The following NDUFB10 variants were observed in gnomAD, a reference collection of about 807,000 sequenced individuals.
The protein encoded by NDUFB10 is NADH:ubiquinone oxidoreductase subunit B10, also known as NADH dehydrogenase [ubiquinone] 1 beta subcomplex subunit 10.
In NDUFB10, 23 loss-of-function variants were observed where a neutral mutation model predicts 19.0. The ratio of observed to expected loss-of-function variants is 1.21; its 90% CI spans 0.87 to 1.71. NDUFB10 has a LOEUF of 1.71. Ranked by LOEUF, NDUFB10 falls within the 40% of genes most tolerant of loss-of-function variation. NDUFB10 has a pLI of 0.00. For missense variants in NDUFB10, 312 were observed against 230.6 expected (o/e 1.35, Z -2.29); for synonymous variants, 104 against 81.8 (o/e 1.27, Z -1.46).
At position 1,961,643 on chromosome 16, in the gene NDUFB10, G is replaced by GGGGC; in HGVS notation, c.409+7_409+8insGGGC. ...AAGGCCTACCAGGACCGCTGTGCGT[G>GGGGC]CCCCACCCACCCCCAACCCCCCACC... On this transcript the variant is annotated splice_region_variant and intron_variant, in intron 3 of 3. Transcript: ENST00000268668. 4 of 1,546,966 alleles carry GGGGC rather than the reference G, an allele frequency of 2.6e-6. No homozygotes were observed. Among genetic ancestry groups the GGGGC allele is most frequent in the Non-Finnish European group, 3.5e-6 (4 of 1,140,830 alleles).
chr16:1,959,819 C>T, intron 1 of NDUFB10, 65 bp downstream of exon 1: 1 of 1,593,056 alleles, frequency 6.3e-7, no homozygotes, highest in Non-Finnish European at 8.6e-7. Context: ...CACACCCTGC[C>T]TGGATCCTCC....
At chr16:1,960,488 T>C (rs1244881536) in intron 1 of NDUFB10, among the ~76,000 whole-genome samples, 1 of 152,214 alleles carries the variant, frequency 6.6e-6, no homozygotes, top group Non-Finnish European at 1.5e-5. Flanking sequence ...CCCCAGGTGC[T>C]GGGATTACAG....
chr16:1,961,643 G>GCCCCACCCCCCCCCAAAC lies in NDUFB10; in HGVS notation c.409+15_409+16insCCCCCCAAACCCCCACCC. ...AAGGCCTACCAGGACCGCTGTGCGT[G>GCCCCACCCCCCCCCAAAC]CCCCACCCACCCCCAACCCCCCACC... On this transcript the variant is annotated splice_region_variant and intron_variant, in intron 3 of 3. Coordinates refer to ENST00000268668, the MANE Select transcript of NDUFB10 (RefSeq NM_004548.3). The GCCCCACCCCCCCCCAAAC allele has an allele frequency of 6.5e-7, 1 of 1,547,246 alleles. No individual in the cohort carries two copies. The highest frequency in any genetic ancestry group is 1.8e-5 in the Admixed American group (1 of 54,356).
Position 1,961,306 on chromosome 16 carries a change from CTGGGAGTGTGGAGA to C in NDUFB10, c.269+17_269+30del. 6.2e-7 allele frequency: 1 copy of C among 1,613,784 alleles called. No homozygotes were observed. Among genetic ancestry groups the C allele is most frequent in the African/African-American group, 1.3e-5 (1 of 75,040 alleles). On this transcript the variant is annotated intron_variant, in intron 2 of 3. Transcript: ENST00000268668. ...AAGAGGGACTAGTACGTGAGCCATG[CTGGGAGTGTGGAGA>C]TCTGCACCGTGTGCTGCTGGGACAC...
rs775539588 is a variant in NDUFB10 at position 1,959,593 on chromosome 16, G to T, written c.-32G>T. 6.3e-7 allele frequency: 1 copy of T among 1,591,408 alleles called. No individual in the cohort carries two copies. Among genetic ancestry groups the T allele is most frequent in the East Asian group, 2.3e-5 (1 of 43,778 alleles). ...ACGGAGGTAGAGGCCAGGGCAGCGCGTCCGGGAGCGGAGTCCGCGCCCGCC... is the reference window on the plus strand; with the variant it reads ...ACGGAGGTAGAGGCCAGGGCAGCGCTTCCGGGAGCGGAGTCCGCGCCCGCC... On this transcript the variant is annotated 5_prime_UTR_variant, in exon 1 of 4. Transcript: ENST00000268668.
rs755247936 is a variant in NDUFB10, at chr16:1,961,173, G to A, written c.151G>A (p.Ala51Thr). The A allele has an allele frequency of 6.8e-6, 11 of 1,613,900 alleles. No homozygotes were observed. The highest frequency in any genetic ancestry group is 4.5e-5 in the East Asian group (2 of 44,894). Reference protein sequence around the residue: ...LVREFIERQHAKNRYYYYHRQ... With the variant: ...LVREFIERQHTKNRYYYYHRQ... ...TGCAGAATTTATAGAGCGGCAGCAC[G>A]CAAAGAACAGGTATTACTACTACCA... is the stretch of plus-strand genomic sequence containing the variant. The change falls in exon 2 of 4, where the codon GCA becomes ACA. Residue 51 changes from alanine to threonine, a missense_variant. Transcript: ENST00000268668.
chr16:1,959,715 T>C lies in NDUFB10; in HGVS notation c.91T>C (p.Phe31Leu), dbSNP rs202058422. Residue 31 changes from phenylalanine (F) to leucine (L), a missense_variant, in exon 1 of 4, where the codon TTC (phenylalanine) becomes CTC (leucine). Physicochemically the swap from Phe to Leu is conservative, Grantham distance 22. Coordinates refer to ENST00000268668, the MANE Select transcript of NDUFB10 (RefSeq NM_004548.3). ...PNPIVYMMKA[F>L]DLIVDRPVTL... is the part of the protein sequence containing the mutation. ...TCCCATCGTCTACATGATGAAAGCG[T>C]TCGACCTCATCGTGGACCGACCCGT... is the stretch of plus-strand genomic sequence containing the variant. The C allele has an allele frequency of 4.3e-6, 7 of 1,613,100 alleles. No individual in the cohort carries two copies. The highest frequency in any genetic ancestry group is 2.7e-5 in the African/African-American group (2 of 74,814).
In NDUFB10 at chr16:1,959,750, G is replaced by T. The variant is rs976296121; in HGVS notation, c.126G>T (p.Val42=). ...DLIVDRPVTL[V]REFIERQHAK... ...TCGTGGACCGACCCGTGACCCTCGT[G>T]AGAGGTACGAAGCCCCAGCCCGGGG... The change falls in exon 1 of 4, where the codon GTG becomes GTT. Residue 42 remains valine, a synonymous_variant. Transcript: ENST00000268668. 7 of 1,612,984 alleles carry T rather than the reference G, an allele frequency of 4.3e-6. No homozygotes were observed. The highest frequency in any genetic ancestry group is 5.9e-6 in the Non-Finnish European group (7 of 1,179,658).
rs1383984175 is a variant in NDUFB10 at position 1,960,057 on chromosome 16, ACTGCTCT to A, written c.130+305_130+311del. ...AGCGCCCACTGCCCCAGGACCCCGC[ACTGCTCT>A]CCGCCCCCCGCCGCCCCGGGCACCC... On this transcript the variant is annotated intron_variant, in intron 1 of 3. Transcript: ENST00000268668. 5.4e-5 allele frequency among the ~76,000 whole-genome samples: 8 copies of A among 147,472 alleles called. No individual in the cohort carries two copies. The South Asian group carries it at 1.5e-3, about 28-fold the overall frequency.
At position 1,961,925 on chromosome 16, in the gene NDUFB10, T is replaced by C. The variant is rs1597036231; in HGVS notation, c.*19T>C. 6.5e-7 allele frequency: 1 copy of C among 1,545,816 alleles called. No homozygotes were observed. Among genetic ancestry groups the C allele is most frequent in the Non-Finnish European group, 8.8e-7 (1 of 1,140,730 alleles). ...CTCCTGAGGCAGCTGTGGGTGCCCC[T>C]GCTGTGTGGCTCTGTATGACTGTTG... On this transcript the variant is annotated 3_prime_UTR_variant, in exon 4 of 4. Transcript: ENST00000268668.
At chr16:1,959,859 C>A in intron 1 of NDUFB10, 105 bp downstream of exon 1, 3 of 1,469,962 alleles carry the variant, frequency 2.0e-6, no homozygotes, top group South Asian at 2.5e-5. Context: ...CTGCCTGAGA[C>A]CGCCCCCCGC....
At position 1,961,253 on chromosome 16, in the gene NDUFB10, G is replaced by A; in HGVS notation, c.231G>A (p.Met77Ile). Residue 77 changes from methionine (M) to isoleucine (I), a missense_variant, in exon 2 of 4, where the codon ATG (methionine) becomes ATA (isoleucine). Physicochemically the swap from Met to Ile is conservative, Grantham distance 10. Coordinates refer to ENST00000268668, the MANE Select transcript of NDUFB10 (RefSeq NM_004548.3). The part of the protein sequence containing the change: ...DITECKEEDI[M>I]CMYEAEMQWK... ...CTGAGTGCAAGGAGGAGGACATCATGTGCATGTATGAAGCCGAAATGCAGT... is the reference window on the plus strand; with the variant it reads ...CTGAGTGCAAGGAGGAGGACATCATATGCATGTATGAAGCCGAAATGCAGT... 3 of 1,614,040 alleles carry A rather than the reference G, an allele frequency of 1.9e-6. No individual in the cohort carries two copies. The highest frequency in any genetic ancestry group is 2.5e-6 in the Non-Finnish European group (3 of 1,180,034).
rs552140294 is a variant in NDUFB10, at chr16:1,961,377, C to T, written c.269+86C>T. On this transcript the variant is annotated intron_variant, in intron 2 of 3. Transcript: ENST00000268668. ...CTGGGATGCCACAGGGTGGCATGCC[C>T]AGATTTTAGGGGTGACATGGGAGGA... 74 of 1,597,366 alleles carry T rather than the reference C, an allele frequency of 4.6e-5. No individual in the cohort carries two copies. In the South Asian group the frequency reaches 6.6e-4, roughly 14 times the overall value.
chr16:1,960,094 A>G (rs892495537), intron 1 of NDUFB10, among the ~76,000 whole-genome samples: 10 of 151,110 alleles, frequency 6.6e-5, no homozygotes, highest in African/African-American at 2.4e-4. Flanking sequence ...GCACCCCTCC[A>G]CTGCACCGCT....
At chr16:1,960,754 A>G (rs1478711341) in intron 1 of NDUFB10, among the ~76,000 whole-genome samples, 1 of 152,166 alleles carries the variant, frequency 6.6e-6, no homozygotes, top group African/African-American at 2.4e-5. Flanking sequence ...GTAAGGTGGT[A>G]AGTTCTGCTT....
Position 1,961,606 on chromosome 16 carries a change from A to C in NDUFB10, c.379A>C (p.Thr127Pro). 2 of 1,613,788 alleles carry C rather than the reference A, an allele frequency of 1.2e-6. No individual in the cohort carries two copies. The highest frequency in any genetic ancestry group is 1.7e-6 in the Non-Finnish European group (2 of 1,179,984). ...CTGTATCAAGGAAGTGGAGCAGTTC[A>C]CCCAGGTGGCCAAGGCCTACCAGGA... ...QNCIKEVEQF[T>P]QVAKAYQDRY... is the part of the protein sequence containing the mutation. The change falls in exon 3 of 4, where the codon ACC (threonine) becomes CCC (proline). Residue 127 changes from threonine (T) to proline (P), a missense_variant. Physicochemically the swap from Thr to Pro is conservative, Grantham distance 38. Coordinates refer to ENST00000268668, the MANE Select transcript of NDUFB10 (RefSeq NM_004548.3).
chr16:1,960,266 C>G (rs984591254), intron 1 of NDUFB10, among the ~76,000 whole-genome samples: 1 of 151,566 alleles, frequency 6.6e-6, no homozygotes, highest in East Asian at 1.9e-4. Flanking sequence ...GTTGCCCAGG[C>G]TGGAGTGCAG....
chr16:1,961,643 G>GGGGGCCCC lies in NDUFB10; in HGVS notation c.409+7_409+8insGGGGCCCC. ...AAGGCCTACCAGGACCGCTGTGCGTGCCCCACCCACCCCCAACCCCCCACC... is the reference window on the plus strand; with the variant it reads ...AAGGCCTACCAGGACCGCTGTGCGTGGGGGCCCCCCCCACCCACCCCCAACCCCCCACC... On this transcript the variant is annotated splice_region_variant and intron_variant, in intron 3 of 3. Coordinates refer to ENST00000268668, the MANE Select transcript of NDUFB10 (RefSeq NM_004548.3). 1.3e-6 allele frequency: 2 copies of GGGGGCCCC among 1,547,224 alleles called. No homozygotes were observed. Among genetic ancestry groups the GGGGGCCCC allele is most frequent in the Non-Finnish European group, 1.8e-6 (2 of 1,141,062 alleles).
intron 3 of NDUFB10, 58 bp downstream of exon 3, chr16:1,961,694 A>G: frequency 1.4e-6 from 2 of 1,435,450 alleles, no homozygotes; most frequent in Non-Finnish European, 9.3e-7. Context: ...GGGGGCCAGA[A>G]CCATTGCAAA....
Sources: gnomAD v4.1 joint callset for allele counts (sites outside exome capture counted in the v4.1 genomes callset) on GRCh38, gnomAD v4.1.1 for gene constraint, MANE v1.5 for transcripts, NCBI Gene and HGNC (gene_info 2026-07-23, HGNC 2026-07-21) for gene names.